Variants in CFAP74 observed in about 807,000 individuals in gnomAD.
CFAP74 encodes cilia and flagella associated protein 74.
CFAP74 carries 124 observed loss-of-function variants against 188.9 expected under a neutral mutation model. The observed-to-expected ratio is 0.66, with a 90% confidence interval of 0.57 to 0.76. CFAP74 has a LOEUF of 0.76. Ranked by LOEUF, CFAP74 falls within the 30% of genes least tolerant of loss-of-function variation. The pLI, the probability that CFAP74 is intolerant of heterozygous loss-of-function variation, is 0.00. For missense variants in CFAP74, 2,198 were observed against 2,165.2 expected (o/e 1.02, Z -0.30); for synonymous variants, 956 against 916.7 (o/e 1.04, Z -0.77).
At chr1:1,976,855 C>CTTT (rs147484570) in intron 6 of CFAP74, among the ~76,000 whole-genome samples, 12 of 147,110 alleles carry the variant, frequency 8.2e-5, no homozygotes, top group East Asian at 2.0e-4. Flanking sequence ...AACCTCTTTT[C>CTTT]TTTTTTTTTT....
At chr1:1,987,836 G>C in intron 4 of CFAP74, 1 of 329,862 alleles carries the variant, frequency 3.0e-6, no homozygotes, top group Non-Finnish European at 5.9e-6. Context: ...CACCGCGCCC[G>C]GCCATGACGG....
chr1:1,927,656 C>G lies in CFAP74; in HGVS notation c.3478G>C (p.Val1160Leu). ...RAQNRDKLFK[V>L]SVPHVLEMRK... ...ATCTCCAGGACGTGGGGGACAGAGA[C>G]TTTGAACAGCTTGTCGCGGTTCTGT... Residue 1160 changes from valine to leucine, a missense_variant, in exon 28 of 39, where the codon GTC becomes CTC. Transcript: ENST00000682832. 6.5e-7 allele frequency: 1 copy of G among 1,550,188 alleles called. No individual in the cohort carries two copies. Among genetic ancestry groups the G allele is most frequent in the Non-Finnish European group, 8.7e-7 (1 of 1,146,864 alleles).
Position 1,973,943 on chromosome 1 carries a change from T to C in CFAP74, c.674+82A>G. ...GACAGATGTGGAGGGCGAGGCTGAA[T>C]CTGGAGACCCCTGGGGGAGAGGGCG... On this transcript the variant is annotated intron_variant, in intron 7 of 38. Transcript: ENST00000682832. The surrounding 1 kb of genome is among the most constrained non-coding windows in gnomAD (Gnocchi z 6.2). 1 of 1,335,262 alleles carries C rather than the reference T, an allele frequency of 7.5e-7. No homozygotes were observed. The highest frequency in any genetic ancestry group is 1.0e-6 in the Non-Finnish European group (1 of 1,003,698). 82.7% of individuals were successfully genotyped at this position (1,335,262 alleles called of 1,614,324 possible).
chr1:1,940,254 C>T (rs2102045451), intron 23 of CFAP74, 62 bp downstream of exon 23: 1 of 1,339,528 alleles, frequency 7.5e-7, no homozygotes, highest in East Asian at 2.5e-5. Flanking sequence ...GGCCTGGCCT[C>T]CCAGGAAAGC....
chr1:1,971,023 A>C (rs1421433637), intron 9 of CFAP74, among the ~76,000 whole-genome samples: 1 of 142,456 alleles, frequency 7.0e-6, no homozygotes, highest in Non-Finnish European at 1.5e-5. Context: ...TGCACACATC[A>C]CACATGCACA....
intron 11 of CFAP74, among the ~76,000 whole-genome samples, chr1:1,967,713 C>T (rs992265026): frequency 6.6e-6 from 1 of 152,200 alleles, no homozygotes; most frequent in Non-Finnish European, 1.5e-5. Context: ...GTGACCTTGA[C>T]CTTCAGGTTT....
intron 38 of CFAP74, 79 bp from the exon 39 acceptor site, chr1:1,922,467 G>A (rs1651458506): frequency 4.6e-6 from 7 of 1,537,832 alleles, no homozygotes; most frequent in African/African-American, 2.8e-5. Flanking sequence ...CCACTGCCCT[G>A]CCCACCTGAC....
At position 1,971,075 on chromosome 1, in the gene CFAP74, GCA is replaced by G. The variant is rs751582707; in HGVS notation, c.889-261_889-260del. Among the ~76,000 whole-genome samples the G allele has an allele frequency of 2.1e-4, 29 of 140,500 alleles. 1 individual carries two copies. The highest frequency in any genetic ancestry group is 1.1e-3 in the South Asian group (5 of 4,446). The allele number at this position is 140,500 out of a possible 152,430, so 92.2% of individuals were successfully genotyped here. On this transcript the variant is annotated intron_variant, in intron 9 of 38. Coordinates refer to ENST00000682832, the MANE Select transcript of CFAP74 (RefSeq NM_001304360.2). Reference sequence around the variant, plus strand: ...CACACATGCTCACACACGCACACCTGCACACACTCATACATGCACACCTGCAC... The same window carrying G: ...CACACATGCTCACACACGCACACCTGCACACTCATACATGCACACCTGCAC...
At chr1:1,938,815 A>C in intron 25 of CFAP74, 40 bp downstream of exon 25, 1 of 1,527,440 alleles carries the variant, frequency 6.5e-7, no homozygotes. Context: ...CTGAGCGGGC[A>C]CTCCAGGCCC....
chr1:1,971,925 G>A (rs930032870), intron 9 of CFAP74, 55 bp downstream of exon 9: 19 of 1,393,652 alleles, frequency 1.4e-5, no homozygotes, highest in African/African-American at 4.2e-5. Context: ...GGGGCCCAGG[G>A]ACGGACCCCG....
intron 12 of CFAP74, 44 bp downstream of exon 12, chr1:1,966,327 G>A (rs369290081): frequency 6.9e-7 from 1 of 1,444,964 alleles, no homozygotes; most frequent in Non-Finnish European, 9.2e-7. Flanking sequence ...GCGACAGAGG[G>A]CCGGGGTCCG....
chr1:1,999,384 T>C (rs528882035), intron 1 of CFAP74, among the ~76,000 whole-genome samples: 1 of 152,138 alleles, frequency 6.6e-6, no homozygotes, highest in South Asian at 2.1e-4. Context: ...AAAATCAAAA[T>C]TCAGCTACAG....
At chr1:1,926,819 C>G in intron 29 of CFAP74, 58 bp from the exon 30 acceptor site, 1 of 1,549,046 alleles carries the variant, frequency 6.5e-7, no homozygotes, top group South Asian at 1.2e-5. Context: ...CGCCCAGGCC[C>G]CAGAGTTGGG....
chr1:1,945,262 G>A (rs1445253413), intron 20 of CFAP74, among the ~76,000 whole-genome samples: 1 of 152,176 alleles, frequency 6.6e-6, no homozygotes. Context: ...AGCCAAGACA[G>A]TGAGATCTGC....
Position 1,966,506 on chromosome 1 carries a change from G to C in CFAP74, c.1266C>G (p.Gly422=). 6.3e-7 allele frequency: 1 copy of C among 1,576,996 alleles called. No individual in the cohort carries two copies. The highest frequency in any genetic ancestry group is 8.6e-7 in the Non-Finnish European group (1 of 1,158,296). ...TYTLDYEAAA[G]PGPSRLLEVV... ...CTTCCAGCAACCGAGAGGGCCCGGGGCCTGCAGCAGCCTCGTAGTCCTGCA... is the reference window on the plus strand; with the variant it reads ...CTTCCAGCAACCGAGAGGGCCCGGGCCCTGCAGCAGCCTCGTAGTCCTGCA... Residue 422 remains glycine (G), a synonymous_variant, in exon 12 of 39, where the codon GGC becomes GGG. Transcript: ENST00000682832.
chr1:1,963,657 G>T, intron 14 of CFAP74, 92 bp downstream of exon 14: 1 of 776,276 alleles, frequency 1.3e-6, no homozygotes, highest in Non-Finnish European at 2.2e-6. Flanking sequence ...TGCCCATATA[G>T]AGCCTGTTCC....
chr1:1,940,456 G>A, intron 22 of CFAP74, 53 bp from the exon 23 acceptor site: 1 of 1,250,352 alleles, frequency 8.0e-7, no homozygotes, highest in Non-Finnish European at 1.1e-6. Flanking sequence ...TTTGTGAAAT[G>A]ACAATAAGAC....
In CFAP74 at chr1:1,939,865, C is replaced by G. The variant is rs888125015; in HGVS notation, c.2704-98G>C. 1.1e-5 allele frequency: 13 copies of G among 1,187,032 alleles called. No individual in the cohort carries two copies. The East Asian group carries it at 2.3e-4, about 21-fold the overall frequency. 73.5% of individuals were successfully genotyped at this position (1,187,032 alleles called of 1,614,324 possible). ...GCAACCACTGCTGCTGCCTTGTGGC[C>G]ATGGCCCACTGTTTCCAGGACACGA... is the stretch of plus-strand genomic sequence containing the variant. On this transcript the variant is annotated intron_variant, in intron 23 of 38. Transcript: ENST00000682832.
chr1:1,988,633 C>T lies in CFAP74; in HGVS notation c.175G>A (p.Asp59Asn). Residue 59 changes from aspartate (D) to asparagine (N), a missense_variant, in exon 4 of 39, where the codon GAT (aspartate) becomes AAT (asparagine). By Grantham distance (23) the Asp-to-Asn change is conservative. Coordinates refer to ENST00000682832, the MANE Select transcript of CFAP74 (RefSeq NM_001304360.2). Reference protein sequence around the residue: ...HSSSVKELDTDADKLKKKTAE... With the variant: ...HSSSVKELDTNADKLKKKTAE... ...GTTTTCTTCTTCAATTTATCAGCATCAGTATCTAGTTCTTTCACTGAGCTT... is the reference window on the plus strand; with the variant it reads ...GTTTTCTTCTTCAATTTATCAGCATTAGTATCTAGTTCTTTCACTGAGCTT... 2 of 1,610,376 alleles carry T rather than the reference C, an allele frequency of 1.2e-6. No homozygotes were observed. Among genetic ancestry groups the T allele is most frequent in the Non-Finnish European group, 1.7e-6 (2 of 1,180,008 alleles).
Sources: allele counts gnomAD v4.1 joint callset (sites outside exome capture counted in the v4.1 genomes callset), GRCh38; gene constraint gnomAD v4.1.1; non-coding constraint Gnocchi (gnomAD v3.1); transcripts MANE v1.5; gene names NCBI Gene and HGNC (gene_info 2026-07-23, HGNC 2026-07-21).